Variants in HEMK2 observed in about 807,000 individuals in gnomAD.
The protein encoded by HEMK2 is HemK methyltransferase 2, ETF1 glutamine and histone H4 lysine, also known as methyltransferase HEMK2.
chr21:28,856,738 T>C, the HEMK2 span, among the ~76,000 whole-genome samples: 706 of 152,312 alleles, frequency 4.6e-3, 5 homozygotes, highest in African/African-American at 0.016. Context: ...TGAGTGATTG[T>C]GCAACCCTGC....
At chr21:28,878,258 G>C in the HEMK2 span, 2 of 1,607,184 alleles carry the variant, frequency 1.2e-6, no homozygotes, top group Non-Finnish European at 8.5e-7. Context: ...TCTGGAACCA[G>C]GGGAAAAAAC....
At chr21:28,818,515 A>G in the HEMK2 span, among the ~76,000 whole-genome samples, 13 of 152,232 alleles carry the variant, frequency 8.5e-5, no homozygotes, top group Admixed American at 7.9e-4. Context: ...AGACAGGAAT[A>G]TAGAGCAATG....
the HEMK2 span, among the ~76,000 whole-genome samples, chr21:28,826,849 A>T: frequency 0.082 from 12,512 of 152,204 alleles, 1,185 homozygotes; most frequent in African/African-American, 0.22. Flanking sequence ...CTGAGTCTTC[A>T]TGATCAAGGA....
the HEMK2 span, among the ~76,000 whole-genome samples, chr21:28,823,794 A>G: frequency 6.6e-6 from 1 of 152,148 alleles, no homozygotes; most frequent in Admixed American, 6.5e-5. Flanking sequence ...CATTCAGCAC[A>G]TGTTAAGTAC....
chr21:28,881,382 T>G, the HEMK2 span, among the ~76,000 whole-genome samples: 4 of 152,202 alleles, frequency 2.6e-5, no homozygotes, highest in African/African-American at 4.8e-5. Context: ...GGTTGAGAGA[T>G]AGGCACATAA....
the HEMK2 span, among the ~76,000 whole-genome samples, chr21:28,762,752 G>A: frequency 1.3e-5 from 2 of 152,074 alleles, no homozygotes; most frequent in Non-Finnish European, 2.9e-5. Flanking sequence ...CTTCTACCAT[G>A]TTATGATGCA....
At chr21:28,588,298 A>C in the HEMK2 span, among the ~76,000 whole-genome samples, 115 of 152,308 alleles carry the variant, frequency 7.6e-4, no homozygotes, top group African/African-American at 2.6e-3. Flanking sequence ...CATTTAGTGG[A>C]AACTGTCACC....
At chr21:28,734,645 A>G in the HEMK2 span, among the ~76,000 whole-genome samples, 1 of 152,172 alleles carries the variant, frequency 6.6e-6, no homozygotes, top group Non-Finnish European at 1.5e-5. Flanking sequence ...CAGAGCTTTG[A>G]TCAGCTCTGT....
At chr21:28,595,845 C>T in the HEMK2 span, among the ~76,000 whole-genome samples, 3,457 of 149,206 alleles carry the variant, frequency 0.023, 152 homozygotes, top group African/African-American at 0.081. Context: ...AGTGCAGTGG[C>T]GCGATCTTGG....
the HEMK2 span, among the ~76,000 whole-genome samples, chr21:28,634,221 C>T: frequency 7.2e-5 from 11 of 152,106 alleles, no homozygotes; most frequent in African/African-American, 1.7e-4. Flanking sequence ...CCTTTTCTCA[C>T]GGGGATCCAG....
the HEMK2 span, among the ~76,000 whole-genome samples, chr21:28,823,957 T>A: frequency 6.6e-6 from 1 of 152,212 alleles, no homozygotes; most frequent in Non-Finnish European, 1.5e-5. Context: ...ATTAAGCAGA[T>A]TCCTGAATCC....
the HEMK2 span, among the ~76,000 whole-genome samples, chr21:28,629,781 C>T: frequency 6.6e-6 from 1 of 152,156 alleles, no homozygotes; most frequent in Non-Finnish European, 1.5e-5. Context: ...ACATAACCTA[C>T]CAGTATCCAG....
At chr21:28,704,712 A>G in the HEMK2 span, among the ~76,000 whole-genome samples, 1 of 152,218 alleles carries the variant, frequency 6.6e-6, no homozygotes, top group South Asian at 2.1e-4. Flanking sequence ...GGTCATTCAT[A>G]GGAAAACTGT....
chr21:28,831,538 AGAAGGAAAGAAGGAAAGAAGGAAAGAAG>A, the HEMK2 span, among the ~76,000 whole-genome samples: 11 of 75,014 alleles, frequency 1.5e-4, no homozygotes, highest in East Asian at 5.1e-3. Flanking sequence ...AAAGAAGGAA[AGAAGGAAAGAAGGAAAGAAGGAAAGAAG>A]GAAAGAAAGA....
At chr21:28,866,380 C>T in the HEMK2 span, among the ~76,000 whole-genome samples, 1 of 151,346 alleles carries the variant, frequency 6.6e-6, no homozygotes, top group African/African-American at 2.4e-5. Flanking sequence ...ACCCAGGAGG[C>T]AGAGGCTGCA....
chr21:28,737,116 G>A, the HEMK2 span, among the ~76,000 whole-genome samples: 1 of 152,104 alleles, frequency 6.6e-6, no homozygotes, highest in Admixed American at 6.6e-5. Context: ...TTGGTTGGTT[G>A]GTTGGTTGGT....
chr21:28,866,175 A>AAAAAAAACAAAAAAAC, the HEMK2 span, among the ~76,000 whole-genome samples: 8 of 76,248 alleles, frequency 1.0e-4, no homozygotes, highest in African/African-American at 4.1e-4. Flanking sequence ...CAAAAAAAAA[A>AAAAAAAACAAAAAAAC]ACACACACAC....
the HEMK2 span, among the ~76,000 whole-genome samples, chr21:28,744,638 A>G: frequency 2.6e-5 from 4 of 152,208 alleles, no homozygotes; most frequent in African/African-American, 9.6e-5. Flanking sequence ...AAGAGCCTCT[A>G]TTTATTATGA....
chr21:28,856,107 T>C, the HEMK2 span, among the ~76,000 whole-genome samples: 1 of 152,208 alleles, frequency 6.6e-6, no homozygotes, highest in Admixed American at 6.5e-5. Context: ...TGGGCACCTT[T>C]GGCAGCTTTT....
Sources: gnomAD v4.1 joint callset for allele counts (sites outside exome capture counted in the v4.1 genomes callset) on GRCh38, gnomAD v4.1.1 for gene constraint, MANE v1.5 for transcripts, NCBI Gene and HGNC (gene_info 2026-07-23, HGNC 2026-07-21) for gene names.